EIF2AK2: variants seen among roughly 807,000 people sequenced by gnomAD.
EIF2AK2 encodes eukaryotic translation initiation factor 2 alpha kinase 2.
Under a neutral mutation model 70.5 loss-of-function variants are expected in EIF2AK2, and 40 were observed. The observed-to-expected ratio is 0.57, with a 90% CI of 0.44 to 0.74. The LOEUF (loss-of-function observed/expected upper bound fraction) is 0.74, where lower values mean the gene tolerates loss of function less well. Ranked by LOEUF, EIF2AK2 falls within the 30% of genes least tolerant of loss-of-function variation. The pLI is 0.00. For synonymous variants in EIF2AK2, 198 were observed against 220.9 expected, an observed-to-expected ratio of 0.90 and a Z score of 0.92; for missense variants, 555 against 644.3, an observed-to-expected ratio of 0.86 and a Z score of 1.50.
At chr2:37,111,878 A>AAAAAATAT (rs1553335064) in intron 14 of EIF2AK2, among the ~76,000 whole-genome samples, 1 of 69,126 alleles carries the variant, frequency 1.4e-5, no homozygotes, top group African/African-American at 6.2e-5. Context: ...AAAAAAAAAA[A>AAAAAATAT]ATATATATAT....
chr2:37,138,173 A>T, intron 8 of EIF2AK2, 97 bp downstream of exon 8: 1 of 988,218 alleles, frequency 1.0e-6, no homozygotes, highest in South Asian at 1.7e-5. Context: ...AAGATAAAAA[A>T]TATAAAAATT....
At chr2:37,151,143 T>A (rs186914179) in intron 1 of EIF2AK2, among the ~76,000 whole-genome samples, 1 of 152,240 alleles carries the variant, frequency 6.6e-6, no homozygotes, top group South Asian at 2.1e-4. Context: ...AAGGACACTA[T>A]GAAGAAAATA....
chr2:37,102,597 G>A lies in EIF2AK2; in HGVS notation c.*4676C>T, dbSNP rs1225597760. On this transcript the variant is annotated 3_prime_UTR_variant, in exon 17 of 17. Transcript: ENST00000233057. The stretch of plus-strand genomic sequence containing the variant: ...CTCAGATACATACATGCATATATAT[G>A]TATTATATAAAATACATATTCATAC... 6.6e-6 allele frequency: 1 copy of A among 152,058 alleles called. No homozygotes were observed. The highest frequency in any genetic ancestry group is 1.9e-4 in the East Asian group (1 of 5,194). 9.4% of individuals were successfully genotyped at this position (152,058 alleles called of 1,614,324 possible). A position where few individuals can be genotyped will look rare whatever the true frequency, so the allele number is the denominator to read the frequency against.
intron 11 of EIF2AK2, among the ~76,000 whole-genome samples, chr2:37,123,601 G>T (rs1001491463): frequency 6.6e-6 from 1 of 152,108 alleles, no homozygotes; most frequent in African/African-American, 2.4e-5. Context: ...CATACATTAT[G>T]TTTTGCTTAG....
At chr2:37,109,379 C>G (rs780086182) in intron 14 of EIF2AK2, 84 bp from the exon 15 acceptor site, 6 of 1,132,040 alleles carry the variant, frequency 5.3e-6, no homozygotes, top group South Asian at 1.4e-5. Flanking sequence ...GTTATTTGAC[C>G]AAAACATCTT....
intron 14 of EIF2AK2, among the ~76,000 whole-genome samples, chr2:37,112,315 A>C (rs1233302920): frequency 6.6e-6 from 1 of 152,222 alleles, no homozygotes; most frequent in Admixed American, 6.5e-5. Context: ...TTTCTGCACC[A>C]CTAAGAAACT....
chr2:37,149,111 T>C (rs1675656070), intron 1 of EIF2AK2, 88 bp from the exon 2 acceptor site: 5 of 894,062 alleles, frequency 5.6e-6, no homozygotes, highest in Non-Finnish European at 7.6e-6. Flanking sequence ...AGGTCTATGA[T>C]AGCCAGGGTC....
At chr2:37,114,933 A>G (rs1427633887) in intron 13 of EIF2AK2, 74 bp from the exon 14 acceptor site, 2 of 1,044,044 alleles carry the variant, frequency 1.9e-6, no homozygotes, top group Admixed American at 6.1e-5. Flanking sequence ...TTATATACAG[A>G]AAAGACTATT....
Position 37,107,240 on chromosome 2 carries a change from A to G in EIF2AK2, c.*33T>C, listed in dbSNP as rs757043372. The G allele has an allele frequency of 2.5e-6, 4 of 1,596,096 alleles. No individual in the cohort carries two copies. The highest frequency in any genetic ancestry group is 1.2e-5 in the South Asian group (1 of 85,646). ...TTTTAGATAATTTAAGGAAAACTGC[A>G]TATCAGAAGCAGGATACTTTTTCAG... is the stretch of plus-strand genomic sequence containing the variant. On this transcript the variant is annotated 3_prime_UTR_variant, in exon 17 of 17. Coordinates refer to ENST00000233057, the MANE Select transcript of EIF2AK2 (RefSeq NM_001135651.3).
chr2:37,118,482 C>G (rs1239783579), intron 13 of EIF2AK2, among the ~76,000 whole-genome samples: 1 of 152,140 alleles, frequency 6.6e-6, no homozygotes, highest in Non-Finnish European at 1.5e-5. Context: ...AGGCACCAGT[C>G]AGAATTTTGC....
intron 14 of EIF2AK2, among the ~76,000 whole-genome samples, chr2:37,114,187 C>T (rs945207621): frequency 1.3e-5 from 2 of 152,088 alleles, no homozygotes; most frequent in Non-Finnish European, 2.9e-5. Flanking sequence ...AGAGTCCTAG[C>T]TACTCAGGAG....
chr2:37,153,066 A>G (rs1675800556), intron 1 of EIF2AK2, among the ~76,000 whole-genome samples: 1 of 152,182 alleles, frequency 6.6e-6, no homozygotes, highest in Admixed American at 6.5e-5. Context: ...TGCTGTGAGA[A>G]TCTCAGAACC....
chr2:37,148,700 C>A, intron 2 of EIF2AK2, 157 bp downstream of exon 2: 1 of 817,084 alleles, frequency 1.2e-6, no homozygotes, highest in South Asian at 1.3e-5. Flanking sequence ...AATTTGCTTT[C>A]ATCACATAAA....
At chr2:37,146,814 G>A in intron 4 of EIF2AK2, 39 bp downstream of exon 4, 1 of 1,550,144 alleles carries the variant, frequency 6.5e-7, no homozygotes, top group Non-Finnish European at 8.7e-7. Context: ...AAATGTATTT[G>A]CAAGTTCCCA....
chr2:37,146,168 C>T (rs1675530825), intron 4 of EIF2AK2, among the ~76,000 whole-genome samples: 1 of 152,108 alleles, frequency 6.6e-6, no homozygotes, highest in Non-Finnish European at 1.5e-5. Flanking sequence ...CAATAATATG[C>T]TGTATAGGTT....
intron 14 of EIF2AK2, among the ~76,000 whole-genome samples, chr2:37,109,860 C>G (rs998640811): frequency 6.6e-6 from 1 of 152,064 alleles, no homozygotes; most frequent in Non-Finnish European, 1.5e-5. Context: ...AGGTCAAAAA[C>G]GGGAAGAACT....
chr2:37,148,598 C>A, intron 2 of EIF2AK2: 2 of 836,456 alleles, frequency 2.4e-6, no homozygotes, highest in South Asian at 2.7e-5. Context: ...CTATACTTGT[C>A]ACACAGGTTT....
intron 14 of EIF2AK2, among the ~76,000 whole-genome samples, chr2:37,111,950 T>TAG (rs1199093757): frequency 1.4e-5 from 2 of 138,982 alleles, no homozygotes; most frequent in African/African-American, 5.9e-5. Flanking sequence ...TATATATATA[T>TAG]ATATATAGAT....
chr2:37,146,976 G>A lies in EIF2AK2; in HGVS notation c.120-3C>T, dbSNP rs762425247. 2 of 1,606,070 alleles carry A rather than the reference G, an allele frequency of 1.2e-6. No homozygotes were observed. The highest frequency in any genetic ancestry group is 4.5e-5 in the East Asian group (2 of 44,792). ...CTATTATAACTTGAAATGTAAACCT[G>A]ATTACAAAGAGAATATTCATAAAAT... On this transcript the variant is annotated splice_region_variant and splice_polypyrimidine_tract_variant and intron_variant, in intron 3 of 16. Transcript: ENST00000233057.
Sources: allele counts gnomAD v4.1 joint callset (sites outside exome capture counted in the v4.1 genomes callset), GRCh38; gene constraint gnomAD v4.1.1; transcripts MANE v1.5; gene names NCBI Gene and HGNC (gene_info 2026-07-23, HGNC 2026-07-21).